Variants in WHAMM observed in about 807,000 individuals in gnomAD.
WHAMM encodes the protein WASP homolog associated with actin, golgi membranes and microtubules.
Under a neutral mutation model 76.5 loss-of-function variants are expected in WHAMM, and 67 were observed. The observed-to-expected ratio is 0.88, with a 90% CI of 0.72 to 1.07. The LOEUF (loss-of-function observed/expected upper bound fraction) is 1.07, where lower values mean the gene tolerates loss of function less well. Among genes scored for constraint, WHAMM ranks in the 50% least tolerant of loss-of-function variants. WHAMM has a pLI of 0.00. For synonymous variants in WHAMM, 419 were observed against 422.1 expected (o/e 0.99, Z 0.09); for missense variants, 1,021 against 1,051.1 (o/e 0.97, Z 0.40).
rs1245754790 is a variant in WHAMM at position 82,810,181 on chromosome 15, A to C, written c.455A>C (p.Tyr152Ser). 4 of 1,403,896 alleles carry C rather than the reference A, an allele frequency of 2.8e-6. No individual in the cohort carries two copies. The highest frequency in any genetic ancestry group is 2.6e-5 in the Admixed American group (1 of 38,426). 87.0% of individuals were successfully genotyped at this position (1,403,896 alleles called of 1,614,324 possible). ...LQELCGQLER[Y>S]LGAAADGCGG... ...GAGCTGTGCGGGCAGCTGGAACGCT[A>C]TCTGGGCGCGGCGGCCGACGGCTGC... is the stretch of plus-strand genomic sequence containing the variant. The change falls in exon 1 of 10, where the codon TAT (tyrosine) becomes TCT (serine). Residue 152 changes from tyrosine to serine, a missense_variant. Coordinates refer to ENST00000286760, the MANE Select transcript of WHAMM (RefSeq NM_001080435.3).
rs1045917262 is a variant in WHAMM, at chr15:82,810,289, G to T, written c.563G>T (p.Arg188Leu). Residue 188 changes from arginine (R) to leucine (L), a missense_variant, in exon 1 of 10, where the codon CGG becomes CTG. Physicochemically the swap from Arg to Leu is moderately radical, Grantham distance 102 (BLOSUM62 -2). Transcript: ENST00000286760. Reference sequence around the variant, plus strand: ...GAAAGCCCGCGCGAGTTCCGGGAGCGGGCCTTGCGCGCGCGGTGGGTCGAG... The same window carrying T: ...GAAAGCCCGCGCGAGTTCCGGGAGCTGGCCTTGCGCGCGCGGTGGGTCGAG... ...DCESPREFRE[R>L]ALRARWVEAD... 6 of 1,349,992 alleles carry T rather than the reference G, an allele frequency of 4.4e-6. No individual in the cohort carries two copies. The highest frequency in any genetic ancestry group is 7.5e-5 in the Admixed American group (2 of 26,614). 83.6% of individuals were successfully genotyped at this position (1,349,992 alleles called of 1,614,324 possible).
At chr15:82,815,146 T>TATATATAA (rs2050704064) in intron 2 of WHAMM, among the ~76,000 whole-genome samples, 1 of 40,366 alleles carries the variant, frequency 2.5e-5, no homozygotes, top group Non-Finnish European at 4.8e-5. Context: ...TATATATATA[T>TATATATAA]ATATATATAG....
intron 6 of WHAMM, among the ~76,000 whole-genome samples, chr15:82,825,461 G>C (rs886349159): frequency 6.6e-6 from 1 of 152,114 alleles, no homozygotes; most frequent in African/African-American, 2.4e-5. Context: ...ATTTAGAGGA[G>C]CTCTTTCCAC....
chr15:82,833,711 A>C lies in WHAMM; in HGVS notation c.*175A>C. 4.4e-6 allele frequency: 3 copies of C among 689,044 alleles called. No individual in the cohort carries two copies. In the South Asian group the frequency reaches 6.1e-5, roughly 14 times the overall value. 42.7% of individuals were successfully genotyped at this position (689,044 alleles called of 1,614,324 possible). ...ATTTTTTTTTTTTTTCTTTTTTGAG[A>C]TGGAGTCTCACTCTGTCGCCCAGGC... On this transcript the variant is annotated 3_prime_UTR_variant, in exon 10 of 10. Transcript: ENST00000286760.
rs2151561878 is a variant in WHAMM at position 82,818,025 on chromosome 15, C to T, written c.1040C>T (p.Thr347Ile). ...CTTCAGCTAATGCTAGCTCGAGAGA[C>T]TCTGCAACTCATGAGAGCGAAAGAG... ...EKLQLMLARE[T>I]LQLMRAKELC... Residue 347 changes from threonine (T) to isoleucine (I), a missense_variant, in exon 4 of 10, where the codon ACT becomes ATT. This residue lies in a region of WHAMM where 501 missense variants were observed against 524.9 expected (regional missense o/e 0.95). Coordinates refer to ENST00000286760, the MANE Select transcript of WHAMM (RefSeq NM_001080435.3). 6.5e-7 allele frequency: 1 copy of T among 1,550,336 alleles called. No homozygotes were observed. The highest frequency in any genetic ancestry group is 2.3e-4 in the Middle Eastern group (1 of 4,352).
At position 82,809,772 on chromosome 15, in the gene WHAMM, C is replaced by A; in HGVS notation, c.46C>A (p.Arg16=). 1 of 1,591,982 alleles carries A rather than the reference C, an allele frequency of 6.3e-7. No homozygotes were observed. Among genetic ancestry groups the A allele is most frequent in the Admixed American group, 1.7e-5 (1 of 58,476 alleles). The change falls in exon 1 of 10, where the codon CGG becomes AGG. Residue 16 remains arginine (R), a synonymous_variant. Coordinates refer to ENST00000286760, the MANE Select transcript of WHAMM (RefSeq NM_001080435.3). ...PDSLEGWVPV[R]EGLFAEPERH... is the part of the protein sequence containing the mutation. ...CAGCCTGGAGGGCTGGGTGCCGGTC[C>A]GGGAGGGCCTCTTCGCCGAGCCCGA...
intron 5 of WHAMM, 101 bp downstream of exon 5, chr15:82,819,589 T>C: frequency 1.6e-6 from 1 of 625,166 alleles, no homozygotes. Context: ...ATCTGAAAAT[T>C]TCCTAAAGTT....
chr15:82,827,333 T>G (rs759525849), intron 8 of WHAMM, among the ~76,000 whole-genome samples: 1 of 152,176 alleles, frequency 6.6e-6, no homozygotes, highest in African/African-American at 2.4e-5. Context: ...TATATACTTA[T>G]GAGGATAATG....
chr15:82,829,600 A>G (rs1445414560), intron 8 of WHAMM, among the ~76,000 whole-genome samples: 1 of 152,152 alleles, frequency 6.6e-6, no homozygotes, highest in Non-Finnish European at 1.5e-5. Flanking sequence ...ATTTGTCCTG[A>G]AAGGAGCAGA....
Position 82,833,941 on chromosome 15 carries a change from G to C in WHAMM, c.*405G>C, listed in dbSNP as rs932929040. 5.7e-6 allele frequency: 1 copy of C among 176,762 alleles called. No homozygotes were observed. The highest frequency in any genetic ancestry group is 1.2e-4 in the South Asian group (1 of 8,192). 10.9% of individuals were successfully genotyped at this position (176,762 alleles called of 1,614,324 possible). ...TTTTTAGTAGAGACGAGGTTTCACC[G>C]TGTTAGCCAGGATGGTCTCGATCTT... On this transcript the variant is annotated 3_prime_UTR_variant, in exon 10 of 10. Transcript: ENST00000286760.
Position 82,826,667 on chromosome 15 carries a change from T to G in WHAMM, c.1546-84T>G, listed in dbSNP as rs1735174871. 2.0e-6 allele frequency: 3 copies of G among 1,532,010 alleles called. No individual in the cohort carries two copies. In the East Asian group the frequency reaches 7.2e-5, roughly 37 times the overall value. 94.9% of individuals were successfully genotyped at this position (1,532,010 alleles called of 1,614,324 possible). A position where few individuals can be genotyped will look rare whatever the true frequency, so the allele number is the denominator to read the frequency against. On this transcript the variant is annotated intron_variant, in intron 7 of 9. Coordinates refer to ENST00000286760, the MANE Select transcript of WHAMM (RefSeq NM_001080435.3). ...TGGTAATGTTGGGGTACAGCCTCTT[T>G]CTTTGCTGAGACATTTTTATTGTAT...
At position 82,835,716 on chromosome 15, in the gene WHAMM, G is replaced by C. The variant is rs939024165; in HGVS notation, c.*2180G>C. 1.3e-5 allele frequency: 2 copies of C among 152,366 alleles called. No individual in the cohort carries two copies. Among genetic ancestry groups the C allele is most frequent in the African/African-American group, 4.8e-5 (2 of 41,468 alleles). 9.4% of individuals were successfully genotyped at this position (152,366 alleles called of 1,614,324 possible). A position where few individuals can be genotyped will look rare whatever the true frequency, so the allele number is the denominator to read the frequency against. On this transcript the variant is annotated 3_prime_UTR_variant, in exon 10 of 10. Coordinates refer to ENST00000286760, the MANE Select transcript of WHAMM (RefSeq NM_001080435.3). ...CCCCTGTACCTGCCGCTCCCACCCAGGTTCCCAGGGGTGTTCCAGTGGGGG... is the reference window on the plus strand; with the variant it reads ...CCCCTGTACCTGCCGCTCCCACCCACGTTCCCAGGGGTGTTCCAGTGGGGG...
In WHAMM at chr15:82,834,776, G is replaced by A. The variant is rs2051104944; in HGVS notation, c.*1240G>A. ...GGGGTAATGAAAACATACCTTAGCT[G>A]CTGTAAAAGCAAAGTCTTCCGTGTC... On this transcript the variant is annotated 3_prime_UTR_variant, in exon 10 of 10. Transcript: ENST00000286760. 1 of 152,262 alleles carries A rather than the reference G, an allele frequency of 6.6e-6. No homozygotes were observed. The highest frequency in any genetic ancestry group is 6.5e-5 in the Admixed American group (1 of 15,280). 9.4% of individuals were successfully genotyped at this position (152,262 alleles called of 1,614,324 possible). A position where few individuals can be genotyped will look rare whatever the true frequency, so the allele number is the denominator to read the frequency against.
Position 82,810,113 on chromosome 15 carries a change from G to A in WHAMM, c.387G>A (p.Leu129=), listed in dbSNP as rs1441958554. The change falls in exon 1 of 10, where the codon CTG becomes CTA. Residue 129 remains leucine (L), a synonymous_variant. Coordinates refer to ENST00000286760, the MANE Select transcript of WHAMM (RefSeq NM_001080435.3). ...GTCTGGGGCTCGGGCTGTGGGCGCT[G>A]CTGTGGCCGACGCGCGCGGGTCCCG... ...AWGLGLGLWA[L]LWPTRAGPGE... 6.0e-6 allele frequency: 8 copies of A among 1,337,904 alleles called. No homozygotes were observed. The highest frequency in any genetic ancestry group is 7.7e-6 in the Non-Finnish European group (8 of 1,038,258). The allele number at this position is 1,337,904 out of a possible 1,614,324, so 82.9% of individuals were successfully genotyped here. A position where few individuals can be genotyped will look rare whatever the true frequency, so the allele number is the denominator to read the frequency against.
At chr15:82,819,535 G>A (rs1268612307) in intron 5 of WHAMM, 47 bp downstream of exon 5, 10 of 981,032 alleles carry the variant, frequency 1.0e-5, no homozygotes, top group Non-Finnish European at 1.3e-5. Context: ...ATAAATTTAA[G>A]GAAATACAGA....
Position 82,826,762 on chromosome 15 carries a change from G to C in WHAMM, c.1557G>C (p.Lys519Asn). 6.5e-7 allele frequency: 1 copy of C among 1,546,118 alleles called. No homozygotes were observed. The highest frequency in any genetic ancestry group is 8.7e-7 in the Non-Finnish European group (1 of 1,145,926). ...TTGTTTAAATATAGAAAAGAGACAA[G>C]ATAAAAGAAGAGGAGCAAAAGAAAA... ...QHHSIQMKRD[K>N]IKEEEQKKKE... is the part of the protein sequence containing the mutation. The change falls in exon 8 of 10, where the codon AAG (lysine) becomes AAC (asparagine). Residue 519 changes from lysine (K) to asparagine (N), a missense_variant. Coordinates refer to ENST00000286760, the MANE Select transcript of WHAMM (RefSeq NM_001080435.3).
chr15:82,822,587 G>A (rs1200057932), intron 5 of WHAMM, among the ~76,000 whole-genome samples: 6 of 152,120 alleles, frequency 3.9e-5, no homozygotes, highest in Admixed American at 2.0e-4. Flanking sequence ...ATAGGCATGC[G>A]CCACTGTGCC....
chr15:82,833,201 A>G, intron 9 of WHAMM, 28 bp from the exon 10 acceptor site: 1 of 1,596,798 alleles, frequency 6.3e-7, no homozygotes, highest in South Asian at 1.1e-5. Context: ...TTTTATTGAT[A>G]GTACTAGCTC....
rs868399102 is a variant in WHAMM, at chr15:82,833,687, T to A, written c.*151T>A. The A allele has an allele frequency of 1.2e-4, 23 of 189,996 alleles. No individual in the cohort carries two copies. Among genetic ancestry groups the A allele is most frequent in the Non-Finnish European group, 1.5e-4 (17 of 109,778 alleles). The allele number at this position is 189,996 out of a possible 1,614,324, so 11.8% of individuals were successfully genotyped here. On this transcript the variant is annotated 3_prime_UTR_variant, in exon 10 of 10. Transcript: ENST00000286760. ...GGGCCTTGTGTAGGCTGCTGCAGCA[T>A]TTTTTTTTTTTTTCTTTTTTGAGAT...
Sources: gnomAD v4.1 joint callset for allele counts (sites outside exome capture counted in the v4.1 genomes callset) on GRCh38, gnomAD v4.1.1 for gene constraint, gnomAD v4.1.1 regional missense constraint, MANE v1.5 for transcripts, NCBI Gene and HGNC (gene_info 2026-07-23, HGNC 2026-07-21) for gene names.